The following RARS2 variants were observed in gnomAD, a reference collection of about 807,000 sequenced individuals.
RARS2 encodes the protein arginyl-tRNA synthetase 2, mitochondrial.
RARS2 carries 67 observed loss-of-function variants against 88.5 expected under a neutral mutation model. The observed-to-expected ratio is 0.76, with a 90% CI of 0.62 to 0.93. The LOEUF is 0.93. Ranked by LOEUF, RARS2 falls within the 40% of genes least tolerant of loss-of-function variation. The pLI is 0.00. For missense variants in RARS2, 664 were observed against 684.2 expected, an observed-to-expected ratio of 0.97 and a Z score of 0.33; for synonymous variants, 239 against 230.3, an observed-to-expected ratio of 1.04 and a Z score of -0.34.
intron 1 of RARS2, among the ~76,000 whole-genome samples, chr6:87,576,511 C>CAA (rs577930220): frequency 0.22 from 20,851 of 93,796 alleles, 3,616 homozygotes; most frequent in Admixed American, 0.27. Flanking sequence ...CTCCTGACCT[C>CAA]GTGATCCGCC....
At chr6:87,566,844 T>C (rs1448699362) in intron 2 of RARS2, among the ~76,000 whole-genome samples, 2 of 105,928 alleles carry the variant, frequency 1.9e-5, no homozygotes, top group Non-Finnish European at 1.8e-5. Flanking sequence ...AGCTAGGTCC[T>C]GTCTCAAAAA....
At chr6:87,549,048 CA>C (rs1270265258) in intron 5 of RARS2, among the ~76,000 whole-genome samples, 1 of 151,786 alleles carries the variant, frequency 6.6e-6, no homozygotes, top group South Asian at 2.1e-4. Flanking sequence ...ACTGTCTCTA[CA>C]AAAAAAATTT....
At chr6:87,563,751 C>A (rs930950671) in intron 3 of RARS2, among the ~76,000 whole-genome samples, 2 of 152,302 alleles carry the variant, frequency 1.3e-5, no homozygotes, top group Admixed American at 1.3e-4. Flanking sequence ...CTAATCATTT[C>A]TTCTCATATT....
intron 6 of RARS2, 137 bp downstream of exon 6, chr6:87,548,454 A>G (rs1783291832): frequency 2.5e-6 from 2 of 788,968 alleles, no homozygotes; most frequent in Non-Finnish European, 2.0e-6. Context: ...CCATTTCCTG[A>G]ATTGGCAGGA....
intron 7 of RARS2, among the ~76,000 whole-genome samples, chr6:87,544,352 C>CTAAG (rs1167160703): frequency 3.9e-5 from 6 of 152,218 alleles, no homozygotes; most frequent in African/African-American, 1.4e-4. Flanking sequence ...AAGGTCTACT[C>CTAAG]TTCTTAGAGT....
At chr6:87,517,918 G>A (rs1324993107) in intron 17 of RARS2, among the ~76,000 whole-genome samples, 2 of 152,156 alleles carry the variant, frequency 1.3e-5, no homozygotes, top group African/African-American at 4.8e-5. Flanking sequence ...GTGAGCTAGA[G>A]GCAGCTAGAC....
intron 8 of RARS2, among the ~76,000 whole-genome samples, chr6:87,541,257 G>C (rs1403246510): frequency 6.6e-6 from 1 of 152,128 alleles, no homozygotes; most frequent in African/African-American, 2.4e-5. Context: ...GCTCACTGTA[G>C]CCTTGAACCC....
chr6:87,588,595 G>C (rs907747684), intron 1 of RARS2, among the ~76,000 whole-genome samples: 1 of 152,172 alleles, frequency 6.6e-6, no homozygotes. Context: ...CGCTGGTCTC[G>C]AACTCCTGGG....
chr6:87,589,329 G>A lies in RARS2; in HGVS notation c.36+593C>T, dbSNP rs573248256. On this transcript the variant is annotated intron_variant, in intron 1 of 19. Coordinates refer to ENST00000369536, the MANE Select transcript of RARS2 (RefSeq NM_020320.5). ...AGTTTGAGGCCTGCCTGGGCAATAC[G>A]GCGAGACCCCGTTCTCCACAAAAAG... Among the ~76,000 whole-genome samples the A allele has an allele frequency of 3.3e-5, 5 of 152,280 alleles. No homozygotes were observed. The South Asian group carries it at 1.0e-3, about 32-fold the overall frequency.
chr6:87,561,271 AATTGTTT>A (rs1265021134), intron 4 of RARS2, among the ~76,000 whole-genome samples: 3 of 152,196 alleles, frequency 2.0e-5, no homozygotes, highest in African/African-American at 7.2e-5. Flanking sequence ...GGGTGGGGGC[AATTGTTT>A]TATGTGATTT....
chr6:87,587,178 C>A (rs1348245062), intron 1 of RARS2, among the ~76,000 whole-genome samples: 2 of 152,144 alleles, frequency 1.3e-5, no homozygotes, highest in African/African-American at 4.8e-5. Context: ...AGCCACCATA[C>A]CCAGCTCCTA....
intron 4 of RARS2, among the ~76,000 whole-genome samples, chr6:87,556,271 A>G (rs1478655783): frequency 6.6e-6 from 1 of 152,086 alleles, no homozygotes; most frequent in Non-Finnish European, 1.5e-5. Flanking sequence ...TACTCATATT[A>G]GTTGGTTTTG....
intron 1 of RARS2, among the ~76,000 whole-genome samples, chr6:87,573,966 T>C (rs1037582428): frequency 7.9e-5 from 12 of 152,232 alleles, no homozygotes; most frequent in Non-Finnish European, 1.2e-4. Flanking sequence ...TCAGTCCTCA[T>C]GTATCAGAAG....
intron 1 of RARS2, among the ~76,000 whole-genome samples, chr6:87,588,333 A>G (rs1302545845): frequency 2.6e-5 from 4 of 152,172 alleles, no homozygotes; most frequent in Non-Finnish European, 1.5e-5. Context: ...ATTCATTATA[A>G]GAACTTCATG....
chr6:87,514,526 A>T, intron 19 of RARS2, 27 bp from the exon 20 acceptor site: 1 of 1,545,968 alleles, frequency 6.5e-7, no homozygotes, highest in Non-Finnish European at 8.9e-7. Flanking sequence ...AGAATGATTT[A>T]AAATATTCAG....
At chr6:87,519,184 ATGTGTGTGTGTGTGTGTGTGTGTG>A in intron 14 of RARS2, 1 of 214,806 alleles carries the variant, frequency 4.7e-6, no homozygotes, top group South Asian at 6.3e-5. Flanking sequence ...ATAAATATAT[ATGTGTGTGTGTGTGTGTGTGTGTG>A]TATATATATA....
chr6:87,554,031 A>G (rs1482592757), intron 5 of RARS2, among the ~76,000 whole-genome samples: 5 of 152,224 alleles, frequency 3.3e-5, no homozygotes, highest in Non-Finnish European at 7.3e-5. Context: ...TAAGTTTAAA[A>G]GCTATTAAAC....
chr6:87,535,469 G>C (rs1778826800), intron 8 of RARS2, among the ~76,000 whole-genome samples: 1 of 152,096 alleles, frequency 6.6e-6, no homozygotes, highest in African/African-American at 2.4e-5. Flanking sequence ...CTACTGATAT[G>C]GGGAAGCTCA....
At position 87,557,742 on chromosome 6, in the gene RARS2, TTC is replaced by T. The variant is rs369832027; in HGVS notation, c.298-2239_298-2238del. On this transcript the variant is annotated intron_variant, in intron 4 of 19. Transcript: ENST00000369536. ...TCTTTCCTTGGTTGTAAAGACACAA[TTC>T]TCTCTCAACTTTTGCTTCTCAATTT... Among the ~76,000 whole-genome samples the T allele has an allele frequency of 4.6e-4, 70 of 152,306 alleles. 1 individual carries two copies. Among genetic ancestry groups the T allele is most frequent in the Non-Finnish European group, 8.5e-4 (58 of 68,024 alleles).
Sources: gnomAD v4.1 joint callset for allele counts (sites outside exome capture counted in the v4.1 genomes callset) on GRCh38, gnomAD v4.1.1 for gene constraint, MANE v1.5 for transcripts, NCBI Gene and HGNC (gene_info 2026-07-23, HGNC 2026-07-21) for gene names.